The following SEZ6L variants were observed in gnomAD, a reference collection of about 807,000 sequenced individuals.
The protein encoded by SEZ6L is seizure 6-like protein.
SEZ6L carries 37 observed loss-of-function variants against 106.2 expected under a neutral mutation model. That is an observed-to-expected ratio of 0.35 (90% CI 0.27 to 0.46). SEZ6L has a LOEUF of 0.46. Among genes scored for constraint, SEZ6L ranks in the 20% least tolerant of loss-of-function variants. The pLI is 1.00. For synonymous variants in SEZ6L, 541 were observed against 570.4 expected (o/e 0.95, Z 0.73); for missense variants, 1,172 against 1,332.8 (o/e 0.88, Z 1.88).
intron 1 of SEZ6L, among the ~76,000 whole-genome samples, chr22:26,216,413 T>C (rs1257341857): frequency 6.6e-6 from 1 of 152,122 alleles, no homozygotes; most frequent in East Asian, 1.9e-4. Context: ...CCCAGCACTT[T>C]AGGAGGCTGA....
chr22:26,321,005 GAGAGAAGA>G (rs2082138435), intron 9 of SEZ6L, among the ~76,000 whole-genome samples: 1 of 152,218 alleles, frequency 6.6e-6, no homozygotes, highest in South Asian at 2.1e-4. Flanking sequence ...CTGAAAGACA[GAGAGAAGA>G]TGGGCAGAGA....
intron 1 of SEZ6L, among the ~76,000 whole-genome samples, chr22:26,234,620 C>A (rs533192836): frequency 6.6e-6 from 1 of 152,230 alleles, no homozygotes. Context: ...CATCTCTATG[C>A]CTGGGCATCT....
At position 26,292,403 on chromosome 22, in the gene SEZ6L, A is replaced by G. The variant is rs2081155353; in HGVS notation, c.95-3A>G. On this transcript the variant is annotated splice_region_variant and splice_polypyrimidine_tract_variant and intron_variant, in intron 1 of 16. Coordinates refer to ENST00000248933, the MANE Select transcript of SEZ6L (RefSeq NM_021115.5). ...TAACTGGTGTCTTTTCTCCTCTTCC[A>G]AGATGCTCTTCCCGAGGGAGATGCT... 1 of 1,608,694 alleles carries G rather than the reference A, an allele frequency of 6.2e-7. No homozygotes were observed. The highest frequency in any genetic ancestry group is 8.5e-7 in the Non-Finnish European group (1 of 1,176,960).
chr22:26,305,356 C>T (rs539908835), intron 5 of SEZ6L, among the ~76,000 whole-genome samples: 3 of 151,588 alleles, frequency 2.0e-5, no homozygotes, highest in African/African-American at 7.2e-5. Flanking sequence ...TGTTTGAGCA[C>T]GTTTTCTAGG....
intron 9 of SEZ6L, among the ~76,000 whole-genome samples, chr22:26,323,204 CT>C (rs1300719291): frequency 6.6e-6 from 1 of 152,230 alleles, no homozygotes; most frequent in Non-Finnish European, 1.5e-5. Flanking sequence ...TAAGTGCATC[CT>C]GATGTTCACC....
intron 1 of SEZ6L, among the ~76,000 whole-genome samples, chr22:26,216,233 A>C (rs1281325374): frequency 6.6e-6 from 1 of 152,146 alleles, no homozygotes; most frequent in African/African-American, 2.4e-5. Context: ...AGGAGCTGGA[A>C]ATGATCTAGC....
chr22:26,371,874 A>G (rs546147098), intron 13 of SEZ6L, among the ~76,000 whole-genome samples: 44 of 152,098 alleles, frequency 2.9e-4, no homozygotes, highest in Non-Finnish European at 5.9e-4. Context: ...CACTCCTGAG[A>G]TCCGTCCCAC....
At position 26,174,178 on chromosome 22, in the gene SEZ6L, G is replaced by C. The variant is rs557284371; in HGVS notation, c.94+4415G>C. The stretch of plus-strand genomic sequence containing the variant: ...ATATCAGACATCTATGGGACCTCAC[G>C]TGGATGTGTTTAATTCTCACCAGGG... On this transcript the variant is annotated intron_variant, in intron 1 of 16. Transcript: ENST00000248933. 7.2e-5 allele frequency among the ~76,000 whole-genome samples: 11 copies of C among 152,268 alleles called. No individual in the cohort carries two copies. In the South Asian group the frequency reaches 1.9e-3, roughly 26 times the overall value.
intron 8 of SEZ6L, among the ~76,000 whole-genome samples, chr22:26,312,490 C>T (rs1276597327): frequency 6.6e-6 from 1 of 152,106 alleles, no homozygotes; most frequent in Non-Finnish European, 1.5e-5. Context: ...TTGGCAGGGA[C>T]AGGAATGGAA....
At chr22:26,290,152 T>C (rs1199273643) in intron 1 of SEZ6L, among the ~76,000 whole-genome samples, 1 of 152,186 alleles carries the variant, frequency 6.6e-6, no homozygotes, top group Non-Finnish European at 1.5e-5. Context: ...TAACCAGCAA[T>C]TGGCAGAACT....
At chr22:26,273,464 C>T (rs1190012770) in intron 1 of SEZ6L, among the ~76,000 whole-genome samples, 1 of 152,266 alleles carries the variant, frequency 6.6e-6, no homozygotes, top group African/African-American at 2.4e-5. Context: ...CTCTGTGCGC[C>T]GCCTCGGCCT....
chr22:26,351,694 G>A (rs1031441949), intron 12 of SEZ6L, among the ~76,000 whole-genome samples: 16 of 152,176 alleles, frequency 1.1e-4, no homozygotes, highest in Middle Eastern at 3.4e-3. Flanking sequence ...TTACAGGCGC[G>A]TGCCACCATG....
At position 26,202,517 on chromosome 22, in the gene SEZ6L, G is replaced by A. The variant is rs1941025495; in HGVS notation, c.94+32754G>A. 3.3e-5 allele frequency among the ~76,000 whole-genome samples: 5 copies of A among 152,352 alleles called. No homozygotes were observed. The South Asian group carries it at 1.0e-3, about 32-fold the overall frequency. On this transcript the variant is annotated intron_variant, in intron 1 of 16. Transcript: ENST00000248933. ...GATTGATGGATGAGAGGGCTACCCA[G>A]CTTCCTCCCCAAAACTCTCCCTTGA... is the stretch of plus-strand genomic sequence containing the variant.
chr22:26,191,734 C>T (rs1940235195), intron 1 of SEZ6L, among the ~76,000 whole-genome samples: 1 of 152,116 alleles, frequency 6.6e-6, no homozygotes, highest in South Asian at 2.1e-4. Flanking sequence ...GCACATGTAT[C>T]CCTGAACTTA....
At chr22:26,307,123 A>T (rs1355430530) in intron 6 of SEZ6L, among the ~76,000 whole-genome samples, 1 of 152,198 alleles carries the variant, frequency 6.6e-6, no homozygotes, top group Non-Finnish European at 1.5e-5. Context: ...CATACCTCAG[A>T]GTGGTCCTGT....
intron 1 of SEZ6L, among the ~76,000 whole-genome samples, chr22:26,277,976 G>C (rs761587571): frequency 1.3e-5 from 2 of 152,238 alleles, no homozygotes; most frequent in Non-Finnish European, 2.9e-5. Context: ...TGAAAATGCT[G>C]GGTATCTTAG....
chr22:26,186,884 G>A lies in SEZ6L; in HGVS notation c.94+17121G>A, dbSNP rs80273658. On this transcript the variant is annotated intron_variant, in intron 1 of 16. Coordinates refer to ENST00000248933, the MANE Select transcript of SEZ6L (RefSeq NM_021115.5). The stretch of plus-strand genomic sequence containing the variant: ...TATTCTCAGCTGTGCTTAGGAGCAC[G>A]GGAGGGGATTTTTGGGTTGGATAAT... Among the ~76,000 whole-genome samples, 263 of 152,222 alleles carry A rather than the reference G, an allele frequency of 1.7e-3. 5 individuals carry two copies. In the East Asian group the frequency reaches 0.034, roughly 20 times the overall value.
intron 1 of SEZ6L, among the ~76,000 whole-genome samples, chr22:26,200,795 G>A (rs1940889380): frequency 6.6e-6 from 1 of 152,070 alleles, no homozygotes; most frequent in Admixed American, 6.5e-5. Flanking sequence ...CTTTCATCCT[G>A]GGGTTCTGGG....
At chr22:26,174,089 G>T (rs994185117) in intron 1 of SEZ6L, among the ~76,000 whole-genome samples, 1 of 152,200 alleles carries the variant, frequency 6.6e-6, no homozygotes, top group African/African-American at 2.4e-5. Flanking sequence ...TGGCAGCCTA[G>T]CAAGAGACAT....
Sources: allele counts gnomAD v4.1 joint callset (sites outside exome capture counted in the v4.1 genomes callset), GRCh38; gene constraint gnomAD v4.1.1; transcripts MANE v1.5; gene names NCBI Gene and HGNC (gene_info 2026-07-23, HGNC 2026-07-21).